The following NBPF20 variants were observed in gnomAD, a reference collection of about 807,000 sequenced individuals.
The protein encoded by NBPF20 is NBPF member 20.
NBPF20 carries 90 observed loss-of-function variants against 68.1 expected under a neutral mutation model. That is an observed-to-expected ratio of 1.32 (90% CI 1.11 to 1.58). The LOEUF (loss-of-function observed/expected upper bound fraction) is 1.58. Among genes scored for constraint, NBPF20 ranks in the 40% most tolerant of loss-of-function variants. NBPF20 has a pLI of 0.00. For missense variants in NBPF20, 816 were observed against 601.2 expected (o/e 1.36, Z -3.74); for synonymous variants, 290 against 228.1 (o/e 1.27, Z -2.45).
intron 136 of NBPF20, among the ~76,000 whole-genome samples, chr1:145,292,829 T>C (rs1553658518): frequency 5.7e-5 from 4 of 70,652 alleles, no homozygotes; most frequent in East Asian, 4.5e-4. Context: ...TAGCCCTGTC[T>C]CATCAAATAC....
chr1:145,423,652 G>T, the NBPF20 span, among the ~76,000 whole-genome samples: 10 of 151,824 alleles, frequency 6.6e-5, no homozygotes, highest in African/African-American at 1.7e-4. Flanking sequence ...CACAAAAGAG[G>T]ACACACAAAT....
intron 83 of NBPF20, among the ~76,000 whole-genome samples, chr1:145,334,933 C>A (rs1299725856): frequency 1.0e-4 from 13 of 124,744 alleles, no homozygotes; most frequent in African/African-American, 2.7e-4. Flanking sequence ...AGTTAGTGCC[C>A]TCGGGACACA....
At chr1:145,398,597 T>C (rs1188467870) in intron 7 of NBPF20, among the ~76,000 whole-genome samples, 2 of 152,092 alleles carry the variant, frequency 1.3e-5, no homozygotes, top group African/African-American at 4.8e-5. Context: ...GGGAAAATTA[T>C]AGCACTAAAT....
chr1:145,419,666 C>T, the NBPF20 span, among the ~76,000 whole-genome samples: 43 of 151,996 alleles, frequency 2.8e-4, no homozygotes, highest in Non-Finnish European at 5.9e-4. Flanking sequence ...CCCCCAGGAC[C>T]TGGTGGACGG....
In NBPF20 at chr1:145,400,586, T is replaced by C. The variant is rs1553665070; in HGVS notation, c.575A>G (p.Gln192Arg). ...AGGGACTTCCTTTTCTTCAGCCTTCTGCATCTCCCTGATGAGCCAGGTGGG... is the reference window on the plus strand; with the variant it reads ...AGGGACTTCCTTTTCTTCAGCCTTCCGCATCTCCCTGATGAGCCAGGTGGG... The change falls in exon 6 of 138, where the codon CAG becomes CGG. Residue 192 changes from glutamine to arginine, a missense_variant. By Grantham distance (43) the Gln-to-Arg change is conservative. Transcript: ENST00000369373. 4 of 1,611,918 alleles carry C rather than the reference T, an allele frequency of 2.5e-6. No homozygotes were observed. The East Asian group carries it at 8.9e-5, about 36-fold the overall frequency.
At chr1:145,397,966 C>A (rs1301836605) in intron 7 of NBPF20, among the ~76,000 whole-genome samples, 57 of 152,128 alleles carry the variant, frequency 3.7e-4, no homozygotes, top group African/African-American at 1.3e-3. Context: ...TTTAAACCAA[C>A]CAAGATCAAA....
chr1:145,394,684 G>T (rs1346255259), intron 8 of NBPF20, among the ~76,000 whole-genome samples: 1 of 151,996 alleles, frequency 6.6e-6, no homozygotes, highest in Non-Finnish European at 1.5e-5. Context: ...TCCTGGGCAT[G>T]TGCTGCATAG....
At chr1:145,292,569 C>A (rs1661202119) in intron 136 of NBPF20, 80 bp from the exon 142 acceptor site, 1 of 736,602 alleles carries the variant, frequency 1.4e-6, no homozygotes, top group East Asian at 2.5e-5. Flanking sequence ...AATCCTCACA[C>A]AGGGACCTCA....
chr1:145,421,808 A>G, the NBPF20 span, among the ~76,000 whole-genome samples: 2 of 152,188 alleles, frequency 1.3e-5, no homozygotes, highest in East Asian at 3.9e-4. Flanking sequence ...TGAGATGCCA[A>G]GGTGGGAGGA....
chr1:145,306,260 TAGAC>T (rs1661405244), intron 119 of NBPF20, among the ~76,000 whole-genome samples, 195 bp from the exon 125 acceptor site: 1 of 136,514 alleles, frequency 7.3e-6, no homozygotes, highest in Non-Finnish European at 1.6e-5. Flanking sequence ...GAAAGACAGA[TAGAC>T]ACACACACAC....
rs377304719 is a variant in NBPF20 at position 145,291,509 on chromosome 1, G to A, written c.*17C>T. 97 of 1,611,922 alleles carry A rather than the reference G, an allele frequency of 6.0e-5. 1 individual carries two copies. The East Asian group carries it at 8.5e-4, about 14-fold the overall frequency. ...CCTGCCTGCAGGAATGACATCTCTC[G>A]GCTTAGTAAGGGCTGTTTATTGTGG... On this transcript the variant is annotated 3_prime_UTR_variant, in exon 138 of 138. Coordinates refer to ENST00000369373, the Ensembl canonical transcript of NBPF20.
chr1:145,414,949 C>T, the NBPF20 span, among the ~76,000 whole-genome samples: 1 of 151,930 alleles, frequency 6.6e-6, no homozygotes, highest in Non-Finnish European at 1.5e-5. Flanking sequence ...AAGAAAGAGA[C>T]ACAGAGACAA....
In NBPF20 at chr1:145,291,584, G is replaced by T. The variant is rs782283569; in HGVS notation, c.16883C>A (p.Thr5628Asn). 6 of 1,612,008 alleles carry T rather than the reference G, an allele frequency of 3.7e-6. No individual in the cohort carries two copies. In the Admixed American group the frequency reaches 6.7e-5, roughly 18 times the overall value. Residue 5628 changes from threonine (T) to asparagine (N), a missense_variant, in exon 138 of 138, where the codon ACT (threonine) becomes AAT (asparagine). By Grantham distance (65) the Thr-to-Asn change is moderately conservative (BLOSUM62 0). Transcript: ENST00000369373. ...CAGGTGGAGACTTGTCACCGTCAAA[G>T]TAAAAAACCTATTGTCCACGTAAAG...
Position 145,405,005 on chromosome 1 carries a change from G to A in NBPF20, c.175+93C>T, listed in dbSNP as rs587764996. 4.1e-4 allele frequency: 643 copies of A among 1,563,164 alleles called. 4 individuals are homozygous for A. The South Asian group carries it at 6.5e-3, about 16-fold the overall frequency. On this transcript the variant is annotated intron_variant, in intron 2 of 137. Coordinates refer to ENST00000369373, the Ensembl canonical transcript of NBPF20. ...TTCTGTTTTCCTACAAGTACAAGAA[G>A]GATGAAATTATTTTTGATGGAGAGA...
chr1:145,291,829 A>G (rs1661121238), intron 137 of NBPF20, 60 bp from the exon 143 acceptor site: 4 of 1,611,562 alleles, frequency 2.5e-6, no homozygotes, highest in Non-Finnish European at 1.7e-6. Context: ...ACAGAGCCCC[A>G]CTAGATTTCA....
At chr1:145,412,866 G>T in the NBPF20 span, among the ~76,000 whole-genome samples, 1 of 115,090 alleles carries the variant, frequency 8.7e-6, no homozygotes. Context: ...ATATTATTTT[G>T]TTTGACCATC....
the NBPF20 span, among the ~76,000 whole-genome samples, chr1:145,424,268 G>A: frequency 1.3e-5 from 2 of 150,360 alleles, no homozygotes; most frequent in Non-Finnish European, 3.0e-5. Context: ...GATCTACCGC[G>A]CCCGGACCAC....
At chr1:145,291,472 G>C (rs1443589609) in exon 138 of NBPF20, 13 of 1,611,782 alleles carry the variant, frequency 8.1e-6, no homozygotes, top group African/African-American at 1.3e-5. Context: ...AAATCTTCAC[G>C]TGCCTATAGG....
Position 145,394,593 on chromosome 1 carries a change from A to G in NBPF20, c.991+385T>C, listed in dbSNP as rs1662123107. Among the ~76,000 whole-genome samples, 11 of 152,162 alleles carry G rather than the reference A, an allele frequency of 7.2e-5. No homozygotes were observed. In the South Asian group the frequency reaches 2.3e-3, roughly 31 times the overall value. ...TGGGCGGGTAAAGAACCACACAGAC[A>G]TGCTTTGGGAACAAAACTCATAAGG... On this transcript the variant is annotated intron_variant, in intron 8 of 137. Coordinates refer to ENST00000369373, the Ensembl canonical transcript of NBPF20.
Sources: allele counts gnomAD v4.1 joint callset (sites outside exome capture counted in the v4.1 genomes callset), GRCh38; gene constraint gnomAD v4.1.1; transcripts MANE v1.5; gene names NCBI Gene and HGNC (gene_info 2026-07-23, HGNC 2026-07-21).